Variants in CPED1 observed in about 807,000 individuals in gnomAD.
The protein encoded by CPED1 is cadherin-like and PC-esterase domain-containing protein 1.
A neutral mutation model predicts 128.2 loss-of-function variants in CPED1; 114 were observed. The ratio of observed to expected loss-of-function variants is 0.89; its 90% CI spans 0.76 to 1.04. The LOEUF (loss-of-function observed/expected upper bound fraction) is 1.04, where lower values mean the gene tolerates loss of function less well. CPED1 is among the 50% of genes least tolerant of loss of function. The pLI is 0.00. For synonymous variants in CPED1, 462 were observed against 426.7 expected, an observed-to-expected ratio of 1.08 and a Z score of -1.02; for missense variants, 1,211 against 1,207.1, an observed-to-expected ratio of 1.00 and a Z score of -0.05.
At chr7:121,099,352 TTTTA>T (rs1794783394) in intron 6 of CPED1, among the ~76,000 whole-genome samples, 1 of 152,094 alleles carries the variant, frequency 6.6e-6, no homozygotes, top group Non-Finnish European at 1.5e-5. Context: ...CTTTCCACCT[TTTTA>T]TTTAATTAAA....
intron 3 of CPED1, among the ~76,000 whole-genome samples, chr7:121,032,179 T>C (rs1344980591): frequency 2.0e-5 from 3 of 152,292 alleles, no homozygotes; most frequent in East Asian, 3.9e-4. Context: ...TTATAAAGTA[T>C]ATACCTAAAT....
chr7:121,180,505 C>G (rs1294151817), intron 16 of CPED1, among the ~76,000 whole-genome samples: 1 of 151,978 alleles, frequency 6.6e-6, no homozygotes, highest in Non-Finnish European at 1.5e-5. Flanking sequence ...TTTAATACAT[C>G]ATGGAATTCA....
intron 16 of CPED1, among the ~76,000 whole-genome samples, chr7:121,214,449 T>C (rs762578068): frequency 6.6e-6 from 1 of 151,884 alleles, no homozygotes; most frequent in Non-Finnish European, 1.5e-5. Context: ...TGTGTCACCA[T>C]GCCTGGCTAA....
intron 5 of CPED1, among the ~76,000 whole-genome samples, chr7:121,069,861 T>C (rs1182927457): frequency 6.6e-6 from 1 of 152,158 alleles, no homozygotes; most frequent in Non-Finnish European, 1.5e-5. Flanking sequence ...TTTTGTTCTT[T>C]TTAGTACAGC....
At chr7:121,022,660 C>A (rs200475876) in intron 3 of CPED1, among the ~76,000 whole-genome samples, 1 of 151,906 alleles carries the variant, frequency 6.6e-6, no homozygotes, top group Non-Finnish European at 1.5e-5. Flanking sequence ...ACTGAAGGTT[C>A]AATAGCCTAT....
At chr7:121,262,771 A>G (rs959280868) in intron 18 of CPED1, among the ~76,000 whole-genome samples, 1 of 152,104 alleles carries the variant, frequency 6.6e-6, no homozygotes, top group African/African-American at 2.4e-5. Flanking sequence ...CCTAAAATAT[A>G]TAGAGGTTGA....
At chr7:121,185,113 T>A (rs1400110948) in intron 16 of CPED1, among the ~76,000 whole-genome samples, 1 of 152,064 alleles carries the variant, frequency 6.6e-6, no homozygotes, top group East Asian at 1.9e-4. Context: ...CTCAGTACTA[T>A]CCTATCACCA....
chr7:121,031,157 T>C (rs1309187078), intron 3 of CPED1, among the ~76,000 whole-genome samples: 1 of 152,238 alleles, frequency 6.6e-6, no homozygotes, highest in African/African-American at 2.4e-5. Flanking sequence ...AACAAATTCC[T>C]TCTTAATAAT....
chr7:121,015,866 T>A lies in CPED1; in HGVS notation c.433+18T>A. 2 of 1,429,316 alleles carry A rather than the reference T, an allele frequency of 1.4e-6. No homozygotes were observed. Among genetic ancestry groups the A allele is most frequent in the Non-Finnish European group, 1.8e-6 (2 of 1,089,196 alleles). The allele number at this position is 1,429,316 out of a possible 1,614,324, so 88.5% of individuals were successfully genotyped here. A position where few individuals can be genotyped will look rare whatever the true frequency, so the allele number is the denominator to read the frequency against. On this transcript the variant is annotated intron_variant, in intron 3 of 22. Transcript: ENST00000310396. The stretch of plus-strand genomic sequence containing the variant: ...AGAACAAGGTCAGAATAGTGAGAAG[T>A]AACTGCCAAAGTCACTTGACATATA...
chr7:120,993,114 C>A (rs1043266987), intron 2 of CPED1, among the ~76,000 whole-genome samples: 1 of 152,150 alleles, frequency 6.6e-6, no homozygotes, highest in African/African-American at 2.4e-5. Flanking sequence ...TATTGCCTGA[C>A]AATCTGCCAA....
At chr7:121,173,556 A>C (rs1435921519) in intron 16 of CPED1, among the ~76,000 whole-genome samples, 1 of 152,106 alleles carries the variant, frequency 6.6e-6, no homozygotes, top group African/African-American at 2.4e-5. Flanking sequence ...GTTCCTACAA[A>C]AGATATGATC....
At chr7:121,194,048 A>ATTTTTTTTTTTTT (rs68159246) in intron 16 of CPED1, among the ~76,000 whole-genome samples, 1 of 47,464 alleles carries the variant, frequency 2.1e-5, no homozygotes, top group African/African-American at 8.2e-5. Flanking sequence ...ATATATATAT[A>ATTTTTTTTTTTTT]TTTTTTTTTT....
chr7:121,035,298 T>C (rs1792856384), intron 3 of CPED1, among the ~76,000 whole-genome samples: 1 of 152,044 alleles, frequency 6.6e-6, no homozygotes, highest in African/African-American at 2.4e-5. Flanking sequence ...GGAAGAAAAA[T>C]AGATTCTAGA....
In CPED1 at chr7:121,125,845, A is replaced by G; in HGVS notation, c.1087A>G (p.Thr363Ala). ...HRCRFCFQLLTFDIGYGSFMY... is the reference protein window; with the variant it reads ...HRCRFCFQLLAFDIGYGSFMY... ...ATGCAGATTCTGCTTTCAACTTCTAACTTTTGATATTGGTTATGGCAGTTT... is the reference window on the plus strand; with the variant it reads ...ATGCAGATTCTGCTTTCAACTTCTAGCTTTTGATATTGGTTATGGCAGTTT... Residue 363 changes from threonine (T) to alanine (A), a missense_variant, in exon 9 of 23, where the codon ACT becomes GCT. Coordinates refer to ENST00000310396, the MANE Select transcript of CPED1 (RefSeq NM_024913.5). 1 of 1,613,370 alleles carries G rather than the reference A, an allele frequency of 6.2e-7. No individual in the cohort carries two copies. Among genetic ancestry groups the G allele is most frequent in the Non-Finnish European group, 8.5e-7 (1 of 1,179,640 alleles).
chr7:121,162,581 CTTTGA>C (rs1007607888), intron 16 of CPED1, among the ~76,000 whole-genome samples: 1 of 152,158 alleles, frequency 6.6e-6, no homozygotes, highest in African/African-American at 2.4e-5. Context: ...AAAAAACCTA[CTTTGA>C]TTTGTTTTTT....
intron 3 of CPED1, among the ~76,000 whole-genome samples, chr7:121,033,248 A>G (rs1323899938): frequency 6.6e-6 from 1 of 152,202 alleles, no homozygotes; most frequent in Non-Finnish European, 1.5e-5. Flanking sequence ...CTGAAGAAAC[A>G]TGAGGGTGTG....
At chr7:121,139,390 T>C (rs1029589476) in intron 14 of CPED1, among the ~76,000 whole-genome samples, 4 of 151,530 alleles carry the variant, frequency 2.6e-5, no homozygotes, top group Non-Finnish European at 4.4e-5. Flanking sequence ...CAGAAATATA[T>C]AGGGTTTTTT....
At chr7:121,073,069 C>A (rs1010414517) in intron 5 of CPED1, among the ~76,000 whole-genome samples, 1 of 152,142 alleles carries the variant, frequency 6.6e-6, no homozygotes, top group African/African-American at 2.4e-5. Context: ...TTGCCCATAA[C>A]TTTTGACTCC....
intron 19 of CPED1, 63 bp from the exon 20 acceptor site, chr7:121,266,644 G>T: frequency 7.7e-7 from 1 of 1,291,764 alleles, no homozygotes; most frequent in Non-Finnish European, 1.1e-6. Flanking sequence ...GTGAGGCAGT[G>T]CAGTTACAAT....
Sources: gnomAD v4.1 joint callset for allele counts (sites outside exome capture counted in the v4.1 genomes callset) on GRCh38, gnomAD v4.1.1 for gene constraint, MANE v1.5 for transcripts, NCBI Gene and HGNC (gene_info 2026-07-23, HGNC 2026-07-21) for gene names.